The following CHAF1B variants were observed in gnomAD, a reference collection of about 807,000 sequenced individuals.
CHAF1B encodes chromatin assembly factor 1 subunit B.
In CHAF1B, 10 loss-of-function variants were observed where a neutral mutation model predicts 60.7. The observed-to-expected ratio is 0.16, with a 90% CI of 0.10 to 0.28. The LOEUF (loss-of-function observed/expected upper bound fraction) is 0.28, where lower values mean the gene tolerates loss of function less well. Among genes scored for constraint, CHAF1B ranks in the 10% least tolerant of loss-of-function variants. The probability of loss-of-function intolerance (pLI) is 1.00; values close to 1 mark genes in which losing one functional copy is unlikely to be tolerated. For synonymous variants in CHAF1B, 261 were observed against 266.1 expected (o/e 0.98, Z 0.19); for missense variants, 558 against 708.4 (o/e 0.79, Z 2.41).
At chr21:36,392,385 C>G (rs2086096780) in intron 4 of CHAF1B, among the ~76,000 whole-genome samples, 1 of 152,238 alleles carries the variant, frequency 6.6e-6, no homozygotes, top group Admixed American at 6.5e-5. Context: ...TCCCCTTTTT[C>G]TATTCGACAA....
At chr21:36,413,388 T>C (rs2086294045) in intron 12 of CHAF1B, 73 bp downstream of exon 12, 8 of 1,424,248 alleles carry the variant, frequency 5.6e-6, no homozygotes, top group Non-Finnish European at 7.5e-6. Context: ...CCCACCCTGC[T>C]GCAGGTGAAA....
rs1470436171 is a variant in CHAF1B, at chr21:36,417,714, T to G, written c.*1348T>G. On this transcript the variant is annotated 3_prime_UTR_variant, in exon 14 of 14. Coordinates refer to ENST00000314103, the MANE Select transcript of CHAF1B (RefSeq NM_005441.3). ...CTCCTGGGGCTCAAGTAATCCTCCCTCCCCAGCCTCCCAAAGTGTTGGGAT... is the reference window on the plus strand; with the variant it reads ...CTCCTGGGGCTCAAGTAATCCTCCCGCCCCAGCCTCCCAAAGTGTTGGGAT... 2 of 151,798 alleles carry G rather than the reference T, an allele frequency of 1.3e-5. No homozygotes were observed. The highest frequency in any genetic ancestry group is 4.8e-5 in the African/African-American group (2 of 41,286). 9.4% of individuals were successfully genotyped at this position (151,798 alleles called of 1,614,324 possible). A position where few individuals can be genotyped will look rare whatever the true frequency, so the allele number is the denominator to read the frequency against.
rs777079304 is a variant in CHAF1B at position 36,396,358 on chromosome 21, CAAAAAAAAAAA to C, written c.482-1042_482-1032del. ...TGTTACTGAACCTCACCAAAAACCT[CAAAAAAAAAAA>C]AAAAAAAAAAAAAAGAATGACTTGT... On this transcript the variant is annotated intron_variant, in intron 5 of 13. Transcript: ENST00000314103. Among the ~76,000 whole-genome samples, 188 of 52,850 alleles carry C rather than the reference CAAAAAAAAAAA, an allele frequency of 3.6e-3. 1 individual carries two copies. Among genetic ancestry groups the C allele is most frequent in the African/African-American group, 0.012 (174 of 14,592 alleles). 34.7% of individuals were successfully genotyped at this position (52,850 alleles called of 152,430 possible). A position where few individuals can be genotyped will look rare whatever the true frequency, so the allele number is the denominator to read the frequency against.
In CHAF1B at chr21:36,417,599, G is replaced by C. The variant is rs547941817; in HGVS notation, c.*1233G>C. 1.3e-5 allele frequency: 2 copies of C among 151,966 alleles called. No individual in the cohort carries two copies. Among genetic ancestry groups the C allele is most frequent in the African/African-American group, 4.8e-5 (2 of 41,332 alleles). 9.4% of individuals were successfully genotyped at this position (151,966 alleles called of 1,614,324 possible). A position where few individuals can be genotyped will look rare whatever the true frequency, so the allele number is the denominator to read the frequency against. On this transcript the variant is annotated 3_prime_UTR_variant, in exon 14 of 14. Coordinates refer to ENST00000314103, the MANE Select transcript of CHAF1B (RefSeq NM_005441.3). ...CCTGCCTCGGCCTCCCAAAGTGTTGGGATTACAGGTGTGAGCTACTGCACC... is the reference window on the plus strand; with the variant it reads ...CCTGCCTCGGCCTCCCAAAGTGTTGCGATTACAGGTGTGAGCTACTGCACC...
chr21:36,414,952 A>G (rs2086306231), intron 12 of CHAF1B, among the ~76,000 whole-genome samples: 3 of 152,124 alleles, frequency 2.0e-5, no homozygotes, highest in Admixed American at 2.0e-4. Context: ...CTGTGTTTCG[A>G]CGCTTTCTAT....
Position 36,387,678 on chromosome 21 carries a change from C to G in CHAF1B, c.207C>G (p.Val69=). 6.2e-7 allele frequency: 1 copy of G among 1,614,170 alleles called. No homozygotes were observed. The change falls in exon 3 of 14, where the codon GTC becomes GTG. Residue 69 remains valine (V), a synonymous_variant. Coordinates refer to ENST00000314103, the MANE Select transcript of CHAF1B (RefSeq NM_005441.3). ...LSNLARHTKA[V]NVVRFSPTGE... ...ATCTTGCTCGTCATACCAAAGCCGT[C>G]AATGTTGTGCGTTTTTCTCCAACTG...
At chr21:36,414,775 C>G (rs1019294947) in intron 12 of CHAF1B, among the ~76,000 whole-genome samples, 2 of 152,128 alleles carry the variant, frequency 1.3e-5, no homozygotes, top group African/African-American at 4.8e-5. Flanking sequence ...CCATGCCTGG[C>G]TGACTTTTTG....
At chr21:36,392,231 G>T (rs965075124) in intron 4 of CHAF1B, among the ~76,000 whole-genome samples, 10 of 152,068 alleles carry the variant, frequency 6.6e-5, no homozygotes. Context: ...TCAGAGAGCA[G>T]GGGGTTGGGG....
intron 6 of CHAF1B, chr21:36,397,719 C>CTT (rs397866716): frequency 8.7e-4 from 116 of 133,898 alleles, no homozygotes; most frequent in African/African-American, 1.8e-3. Flanking sequence ...CTTAGTAAAT[C>CTT]TTTTTTTTTT....
In CHAF1B at chr21:36,402,759, C is replaced by A. The variant is rs1317528640; in HGVS notation, c.665C>A (p.Ala222Glu). The A allele has an allele frequency of 3.7e-6, 6 of 1,611,704 alleles. No homozygotes were observed. The highest frequency in any genetic ancestry group is 5.1e-6 in the Non-Finnish European group (6 of 1,178,828). The change falls in exon 8 of 14, where the codon GCA (alanine) becomes GAA (glutamate). Residue 222 changes from alanine to glutamate, a missense_variant and splice_region_variant. Ala to Glu is a moderately radical substitution (Grantham distance 107). Around this residue, in one of 2 missense-constraint regions of CHAF1B, gnomAD observed 325 missense variants for 493.5 expected, o/e 0.66. Transcript: ENST00000314103. ...MLSGIGAEGE[A>E]RSYRMFHDDS... ...AAAAATAAATTTTGTGTGCGACAGG[C>A]AAGAAGCTACCGGATGTTTCACGAC...
intron 10 of CHAF1B, among the ~76,000 whole-genome samples, chr21:36,410,073 CCCT>C (rs1338868684): frequency 6.6e-6 from 1 of 151,792 alleles, no homozygotes; most frequent in Admixed American, 6.6e-5. Flanking sequence ...AAGGGATTCT[CCCT>C]CCTATCCTCC....
intron 6 of CHAF1B, among the ~76,000 whole-genome samples, chr21:36,399,036 AT>A (rs201186457): frequency 0.011 from 1,537 of 138,378 alleles, 16 homozygotes; most frequent in African/African-American, 0.031. Context: ...TGACTTACCA[AT>A]TTTTTTTTTT....
chr21:36,390,971 C>T (rs927569646), intron 3 of CHAF1B, among the ~76,000 whole-genome samples: 3 of 152,180 alleles, frequency 2.0e-5, no homozygotes, highest in South Asian at 2.1e-4. Context: ...TCCCCATTTA[C>T]AGGTGAGGAA....
At position 36,415,655 on chromosome 21, in the gene CHAF1B, G is replaced by T. The variant is rs1601571361; in HGVS notation, c.1588+266G>T. ...TCTCCACCTGATGACTGCTGACCTT[G>T]TGGGCCAGGCAATTCTTTGTTGTGG... On this transcript the variant is annotated intron_variant, in intron 13 of 13. Coordinates refer to ENST00000314103, the MANE Select transcript of CHAF1B (RefSeq NM_005441.3). The T allele has an allele frequency of 6.2e-5, 31 of 498,794 alleles. 1 individual carries two copies. In the East Asian group the frequency reaches 1.2e-3, roughly 19 times the overall value. 30.9% of individuals were successfully genotyped at this position (498,794 alleles called of 1,614,324 possible). A position where few individuals can be genotyped will look rare whatever the true frequency, so the allele number is the denominator to read the frequency against.
chr21:36,402,027 C>T (rs890026510), intron 7 of CHAF1B, among the ~76,000 whole-genome samples: 1 of 152,154 alleles, frequency 6.6e-6, no homozygotes, highest in African/African-American at 2.4e-5. Context: ...AGGTGTGAGC[C>T]ACCATGTCTG....
At chr21:36,396,328 T>C (rs1406486464) in intron 5 of CHAF1B, among the ~76,000 whole-genome samples, 2 of 127,126 alleles carry the variant, frequency 1.6e-5, no homozygotes, top group East Asian at 4.9e-4. Flanking sequence ...ATAAGTGTGA[T>C]GGGTTGTTAC....
intron 8 of CHAF1B, 76 bp downstream of exon 8, chr21:36,402,927 A>T: frequency 1.7e-6 from 2 of 1,204,864 alleles, no homozygotes; most frequent in Non-Finnish European, 2.5e-6. Flanking sequence ...GCTGCAGCTT[A>T]TCAGCTCAGT....
At chr21:36,400,251 A>G (rs2086176326) in intron 7 of CHAF1B, among the ~76,000 whole-genome samples, 1 of 151,848 alleles carries the variant, frequency 6.6e-6, no homozygotes, top group African/African-American at 2.4e-5. Flanking sequence ...AGGCTGAGGC[A>G]GGTGGATCAC....
Position 36,394,550 on chromosome 21 carries a change from C to T in CHAF1B, c.381C>T (p.Gly127=), listed in dbSNP as rs754187944. ...CCTCTTTGTTTTTGGATTCTAGGGGCCACTTAGAAGATGTGTATGATATTT... is the reference window on the plus strand; with the variant it reads ...CCTCTTTGTTTTTGGATTCTAGGGGTCACTTAGAAGATGTGTATGATATTT... The part of the protein sequence containing the change: ...ENWTVVKTLR[G]HLEDVYDICW... Residue 127 remains glycine (G), a synonymous_variant, in exon 5 of 14, where the codon GGC becomes GGT. Coordinates refer to ENST00000314103, the MANE Select transcript of CHAF1B (RefSeq NM_005441.3). The T allele has an allele frequency of 2.5e-6, 4 of 1,609,322 alleles. No homozygotes were observed. The highest frequency in any genetic ancestry group is 3.4e-6 in the Non-Finnish European group (4 of 1,176,532).
Sources: allele counts gnomAD v4.1 joint callset (sites outside exome capture counted in the v4.1 genomes callset), GRCh38; gene constraint gnomAD v4.1.1; regional missense constraint gnomAD v4.1.1; transcripts MANE v1.5; gene names NCBI Gene and HGNC (gene_info 2026-07-23, HGNC 2026-07-21).